The following NRXN3 variants were observed in gnomAD, a reference collection of about 807,000 sequenced individuals.
NRXN3 encodes the protein neurexin III.
In NRXN3, 32 loss-of-function variants were observed where a neutral mutation model predicts 137.6. The ratio of observed to expected loss-of-function variants is 0.23; its 90% CI spans 0.18 to 0.31. The LOEUF (loss-of-function observed/expected upper bound fraction) is 0.31, where lower values mean the gene tolerates loss of function less well. Among genes scored for constraint, NRXN3 ranks in the 10% least tolerant of loss-of-function variants. The pLI is 1.00. For synonymous variants in NRXN3, 798 were observed against 784.5 expected (o/e 1.02, Z -0.29); for missense variants, 1,574 against 2,062.5 (o/e 0.76, Z 4.59).
At chr14:79,358,597 A>AAG (rs1479170825) in intron 15 of NRXN3, among the ~76,000 whole-genome samples, 78 of 81,800 alleles carry the variant, frequency 9.5e-4, no homozygotes, top group Middle Eastern at 6.0e-3. Flanking sequence ...GAAAGAAAGA[A>AAG]AGAAAGAAAG....
intron 10 of NRXN3, among the ~76,000 whole-genome samples, chr14:78,943,000 G>A (rs2099356079): frequency 6.6e-6 from 1 of 152,144 alleles, no homozygotes; most frequent in Non-Finnish European, 1.5e-5. Flanking sequence ...AGATGTCTGA[G>A]AAATACCCTA....
At chr14:78,849,629 A>C (rs1279206930) in intron 10 of NRXN3, among the ~76,000 whole-genome samples, 1 of 152,102 alleles carries the variant, frequency 6.6e-6, no homozygotes, top group Non-Finnish European at 1.5e-5. Context: ...AAAAAATACT[A>C]TCATTTTATT....
chr14:78,214,224 G>T (rs2063032984), intron 1 of NRXN3, among the ~76,000 whole-genome samples: 1 of 152,154 alleles, frequency 6.6e-6, no homozygotes, highest in African/African-American at 2.4e-5. Flanking sequence ...CACTTGCCTT[G>T]CTCATTCCTA....
chr14:79,346,037 C>T (rs1289937357), intron 15 of NRXN3, among the ~76,000 whole-genome samples: 2 of 152,192 alleles, frequency 1.3e-5, no homozygotes, highest in Non-Finnish European at 1.5e-5. Flanking sequence ...TAAACCACAA[C>T]TATATTCCCC....
chr14:79,107,204 T>G (rs1246403518), intron 15 of NRXN3, among the ~76,000 whole-genome samples: 1 of 152,096 alleles, frequency 6.6e-6, no homozygotes, highest in Admixed American at 6.6e-5. Flanking sequence ...ACCTTCATAT[T>G]TTACTGATGA....
chr14:78,977,077 G>T, intron 14 of NRXN3, among the ~76,000 whole-genome samples: 1 of 152,240 alleles, frequency 6.6e-6, no homozygotes, highest in African/African-American at 2.4e-5. Context: ...CCCTTATACA[G>T]ATGGGGACAC....
chr14:78,196,503 G>C (rs191958285), intron 1 of NRXN3, among the ~76,000 whole-genome samples: 1 of 152,162 alleles, frequency 6.6e-6, no homozygotes, highest in African/African-American at 2.4e-5. Flanking sequence ...CGGTCTCTGC[G>C]CCCTAAAGGA....
chr14:78,947,361 A>C (rs1386902192), intron 10 of NRXN3, among the ~76,000 whole-genome samples: 1 of 152,192 alleles, frequency 6.6e-6, no homozygotes, highest in Non-Finnish European at 1.5e-5. Context: ...GGTTGATCTG[A>C]AAATACCGTA....
chr14:78,405,425 A>T (rs1438281780), intron 4 of NRXN3, among the ~76,000 whole-genome samples: 1 of 152,188 alleles, frequency 6.6e-6, no homozygotes, highest in Non-Finnish European at 1.5e-5. Context: ...TGAATCAGGA[A>T]GATCATATTT....
chr14:78,637,950 AC>A (rs1187417410), intron 4 of NRXN3, among the ~76,000 whole-genome samples: 10 of 152,238 alleles, frequency 6.6e-5, no homozygotes, highest in African/African-American at 1.9e-4. Context: ...CAAAAATGTA[AC>A]TTTTATTGTA....
chr14:79,683,221 T>G (rs8007050), intron 17 of NRXN3, among the ~76,000 whole-genome samples: 21,005 of 152,146 alleles, frequency 0.14, 1,566 homozygotes, highest in South Asian at 0.22. Flanking sequence ...TCTCTTAAAC[T>G]CGGGACTGAT....
intron 6 of NRXN3, among the ~76,000 whole-genome samples, chr14:78,661,950 T>C (rs1602060975): frequency 6.6e-6 from 1 of 150,780 alleles, no homozygotes; most frequent in Non-Finnish European, 1.5e-5. Context: ...AGTGCAGTGG[T>C]GCAATCTCGG....
At chr14:79,257,182 G>A (rs2076691363) in intron 15 of NRXN3, among the ~76,000 whole-genome samples, 1 of 151,926 alleles carries the variant, frequency 6.6e-6, no homozygotes, top group East Asian at 1.9e-4. Flanking sequence ...GCGAGGGGGA[G>A]GTGTGAGATA....
At chr14:78,724,493 A>G (rs1001311686) in intron 8 of NRXN3, among the ~76,000 whole-genome samples, 9 of 152,158 alleles carry the variant, frequency 5.9e-5, no homozygotes, top group African/African-American at 2.2e-4. Flanking sequence ...CCCACCCCCA[A>G]TTTTAGATGA....
chr14:78,973,237 T>C (rs1017736931), intron 14 of NRXN3, among the ~76,000 whole-genome samples: 12 of 152,146 alleles, frequency 7.9e-5, no homozygotes, highest in African/African-American at 2.9e-4. Flanking sequence ...TCCAAGTAGT[T>C]GCCATGGAGG....
At chr14:78,388,827 T>C (rs1289466950) in intron 4 of NRXN3, among the ~76,000 whole-genome samples, 1 of 152,172 alleles carries the variant, frequency 6.6e-6, no homozygotes, top group Non-Finnish European at 1.5e-5. Flanking sequence ...CATTAAGTTT[T>C]TGGAGAATTT....
intron 15 of NRXN3, among the ~76,000 whole-genome samples, chr14:79,358,517 T>C (rs1456128179): frequency 7.3e-6 from 1 of 136,936 alleles, no homozygotes; most frequent in Non-Finnish European, 1.5e-5. Flanking sequence ...GAGCTTACAG[T>C]GAGCAGAGAT....
intron 19 of NRXN3, among the ~76,000 whole-genome samples, chr14:79,804,894 G>A (rs1035856180): frequency 5.3e-5 from 8 of 152,058 alleles, no homozygotes; most frequent in Admixed American, 2.6e-4. Flanking sequence ...TCAGCTCTAC[G>A]GAAGACCCCC....
chr14:78,199,310 C>T (rs117150355), intron 1 of NRXN3, among the ~76,000 whole-genome samples: 3,173 of 152,048 alleles, frequency 0.021, 48 homozygotes, highest in South Asian at 0.052. Context: ...GACACCCCTC[C>T]CCCCCCACAC....
Sources: gnomAD v4.1 joint callset for allele counts (sites outside exome capture counted in the v4.1 genomes callset) on GRCh38, gnomAD v4.1.1 for gene constraint, MANE v1.5 for transcripts, NCBI Gene and HGNC (gene_info 2026-07-23, HGNC 2026-07-21) for gene names.